Variants in ATRNL1 observed in about 807,000 individuals in gnomAD.
ATRNL1 encodes attractin-like protein 1.
Under a neutral mutation model 182.7 loss-of-function variants are expected in ATRNL1, and 95 were observed. That is an observed-to-expected ratio of 0.52 (90% confidence interval 0.44 to 0.62). The LOEUF (loss-of-function observed/expected upper bound fraction) is 0.62. Among genes scored for constraint, ATRNL1 ranks in the 20% least tolerant of loss-of-function variants. The pLI is 0.00. For missense variants in ATRNL1, 1,471 were observed against 1,679.5 expected, an observed-to-expected ratio of 0.88 and a Z score of 2.17; for synonymous variants, 576 against 568.3, an observed-to-expected ratio of 1.01 and a Z score of -0.19.
chr10:115,906,223 C>T (rs1240737167), intron 28 of ATRNL1, among the ~76,000 whole-genome samples: 1 of 152,100 alleles, frequency 6.6e-6, no homozygotes, highest in East Asian at 1.9e-4. Flanking sequence ...ATACATTTAA[C>T]ATGCATGATT....
intron 28 of ATRNL1, among the ~76,000 whole-genome samples, chr10:115,888,117 G>A (rs1589651473): frequency 2.0e-5 from 3 of 152,116 alleles, no homozygotes; most frequent in Admixed American, 6.5e-5. Flanking sequence ...GTTCTGTGCC[G>A]AGTTCTCTAA....
chr10:115,489,887 G>A (rs1316293019), intron 24 of ATRNL1, among the ~76,000 whole-genome samples: 1 of 152,146 alleles, frequency 6.6e-6, no homozygotes, highest in Non-Finnish European at 1.5e-5. Context: ...CATGTTTAGT[G>A]CTTCCTTCAG....
At chr10:115,220,364 T>C (rs1392386000) in intron 9 of ATRNL1, 1 of 151,812 alleles carries the variant, frequency 6.6e-6, no homozygotes, top group African/African-American at 2.4e-5. Flanking sequence ...AGGCTTGTTT[T>C]TTAATGCAGG....
chr10:115,835,170 T>C (rs1280322242), intron 27 of ATRNL1, among the ~76,000 whole-genome samples: 1 of 152,102 alleles, frequency 6.6e-6, no homozygotes, highest in African/African-American at 2.4e-5. Flanking sequence ...GCCATCCCTT[T>C]TGACACCTTA....
At chr10:115,461,887 T>G in intron 21 of ATRNL1, 54 bp from the exon 22 acceptor site, 1 of 1,322,348 alleles carries the variant, frequency 7.6e-7, no homozygotes, top group Non-Finnish European at 1.1e-6. Flanking sequence ...AATTTTGCTT[T>G]TTAGACAGTT....
intron 8 of ATRNL1, among the ~76,000 whole-genome samples, chr10:115,206,443 T>C (rs1426097763): frequency 6.6e-6 from 1 of 152,120 alleles, no homozygotes; most frequent in Non-Finnish European, 1.5e-5. Context: ...TTAATTATGT[T>C]ATATCACTTC....
At chr10:115,283,426 A>G (rs1324423294) in intron 14 of ATRNL1, among the ~76,000 whole-genome samples, 1 of 152,132 alleles carries the variant, frequency 6.6e-6, no homozygotes, top group East Asian at 1.9e-4. Flanking sequence ...AAACAAACGA[A>G]CAAACAAACA....
chr10:115,760,773 T>C (rs781958268), intron 27 of ATRNL1, among the ~76,000 whole-genome samples: 4 of 152,222 alleles, frequency 2.6e-5, no homozygotes, highest in Non-Finnish European at 5.9e-5. Context: ...TGAAAGGTTA[T>C]CAAGTAGTAA....
chr10:115,395,719 T>C (rs1844253555), intron 20 of ATRNL1, among the ~76,000 whole-genome samples: 1 of 151,854 alleles, frequency 6.6e-6, no homozygotes, highest in Non-Finnish European at 1.5e-5. Flanking sequence ...CTTTCATGAA[T>C]GATTTTTGTC....
rs151059838 is a variant in ATRNL1 at position 115,271,652 on chromosome 10, A to C, written c.2100+3208A>C. Among the ~76,000 whole-genome samples, 770 of 152,310 alleles carry C rather than the reference A, an allele frequency of 5.1e-3. 5 individuals are homozygous for C. Among genetic ancestry groups the C allele is most frequent in the African/African-American group, 0.016 (680 of 41,552 alleles). On this transcript the variant is annotated intron_variant, in intron 13 of 28. Coordinates refer to ENST00000355044, the MANE Select transcript of ATRNL1 (RefSeq NM_207303.4). ...ATCAATGATAGACTGGATTATACAT[A>C]TATTCTCACCTAACCATTTTGTATT...
chr10:115,242,059 A>C (rs1296329712), intron 10 of ATRNL1, among the ~76,000 whole-genome samples: 3 of 151,996 alleles, frequency 2.0e-5, no homozygotes, highest in African/African-American at 7.2e-5. Flanking sequence ...GTAGATATGG[A>C]ATACTGTTGA....
At chr10:115,459,212 G>A (rs1327768435) in intron 21 of ATRNL1, among the ~76,000 whole-genome samples, 1 of 152,072 alleles carries the variant, frequency 6.6e-6, no homozygotes, top group Non-Finnish European at 1.5e-5. Context: ...TGTACAGCAT[G>A]TGTGTTTGAG....
chr10:115,773,338 C>A (rs1371856612), intron 27 of ATRNL1, among the ~76,000 whole-genome samples: 2 of 152,098 alleles, frequency 1.3e-5, no homozygotes, highest in Non-Finnish European at 2.9e-5. Context: ...TAAAAATCTT[C>A]CTACATGAAG....
chr10:115,296,470 C>G (rs1299000489), intron 15 of ATRNL1, among the ~76,000 whole-genome samples: 7 of 152,164 alleles, frequency 4.6e-5, no homozygotes, highest in African/African-American at 1.4e-4. Flanking sequence ...ACTGCCAACC[C>G]TAATTTTTGT....
chr10:115,697,669 A>T (rs1946607663), intron 26 of ATRNL1, among the ~76,000 whole-genome samples: 1 of 151,746 alleles, frequency 6.6e-6, no homozygotes, highest in African/African-American at 2.4e-5. Context: ...TACATATATA[A>T]TTCTATTATA....
intron 26 of ATRNL1, among the ~76,000 whole-genome samples, chr10:115,650,290 C>T (rs1479554350): frequency 6.6e-6 from 1 of 152,026 alleles, no homozygotes; most frequent in Non-Finnish European, 1.5e-5. Flanking sequence ...AGAGCTGACA[C>T]GATTGGACAT....
intron 18 of ATRNL1, among the ~76,000 whole-genome samples, chr10:115,318,370 CT>C (rs1221574482): frequency 6.6e-6 from 1 of 152,078 alleles, no homozygotes; most frequent in Admixed American, 6.5e-5. Flanking sequence ...GTGTCTCTTC[CT>C]GGTTTTGGTG....
At chr10:115,862,662 A>G (rs1409444774) in intron 28 of ATRNL1, among the ~76,000 whole-genome samples, 2 of 152,172 alleles carry the variant, frequency 1.3e-5, no homozygotes, top group African/African-American at 4.8e-5. Flanking sequence ...ACACAGCTAC[A>G]CTTGTACTCT....
intron 19 of ATRNL1, among the ~76,000 whole-genome samples, chr10:115,354,902 A>G (rs1856435483): frequency 6.6e-6 from 1 of 151,960 alleles, no homozygotes; most frequent in African/African-American, 2.4e-5. Flanking sequence ...CTATTTTCAT[A>G]TAGTATGTCT....
Sources: allele counts gnomAD v4.1 joint callset (sites outside exome capture counted in the v4.1 genomes callset), GRCh38; gene constraint gnomAD v4.1.1; transcripts MANE v1.5; gene names NCBI Gene and HGNC (gene_info 2026-07-23, HGNC 2026-07-21).